The following PTBP3 variants were observed in gnomAD, a reference collection of about 807,000 sequenced individuals.
PTBP3 encodes polypyrimidine tract-binding protein 3.
Under a neutral mutation model 58.7 loss-of-function variants are expected in PTBP3, and 20 were observed. That is an observed-to-expected ratio of 0.34 (90% CI 0.24 to 0.50). The LOEUF (loss-of-function observed/expected upper bound fraction) is 0.50. Ranked by LOEUF, PTBP3 falls within the 20% of genes least tolerant of loss-of-function variation. PTBP3 has a pLI of 0.98. For missense variants in PTBP3, 509 were observed against 637.2 expected (o/e 0.80, Z 2.17); for synonymous variants, 185 against 219.8 (o/e 0.84, Z 1.40).
intron 1 of PTBP3, among the ~76,000 whole-genome samples, chr9:112,325,297 G>A (rs1382482623): frequency 1.3e-5 from 2 of 152,136 alleles, no homozygotes; most frequent in Admixed American, 6.6e-5. Context: ...ATAAATCAAC[G>A]TGGAGCGGCT....
chr9:112,352,414 C>A, the PTBP3 span, among the ~76,000 whole-genome samples: 1 of 152,172 alleles, frequency 6.6e-6, no homozygotes, highest in Non-Finnish European at 1.5e-5. Context: ...TCAACGGTTG[C>A]AGGTCTGCCT....
In PTBP3 at chr9:112,230,549, C is replaced by T. The variant is rs114372730; in HGVS notation, c.1054+831G>A. Among the ~76,000 whole-genome samples the T allele has an allele frequency of 2.5e-3, 383 of 152,154 alleles. 1 individual carries two copies. The highest frequency in any genetic ancestry group is 9.0e-3 in the African/African-American group (373 of 41,522). The stretch of plus-strand genomic sequence containing the variant: ...AAATAATGAAATAATTATTGAAGTA[C>T]AGCAACAATGAAACCCCTGCATTTA... On this transcript the variant is annotated intron_variant, in intron 10 of 13. Transcript: ENST00000374257.
intron 1 of PTBP3, chr9:112,332,826 T>G (rs779633292): frequency 5.0e-6 from 8 of 1,612,128 alleles, no homozygotes; most frequent in Non-Finnish European, 6.8e-6. Context: ...GAGAGAAAGG[T>G]GAGGGGGAAG....
At chr9:112,245,811 G>A (rs755045729) in intron 7 of PTBP3, among the ~76,000 whole-genome samples, 32 of 151,886 alleles carry the variant, frequency 2.1e-4, no homozygotes, top group Non-Finnish European at 4.4e-4. Context: ...CCAAATCAGG[G>A]GTAATTTGAA....
chr9:112,279,885 C>T (rs1159110852), intron 2 of PTBP3, among the ~76,000 whole-genome samples: 2 of 146,494 alleles, frequency 1.4e-5, no homozygotes, highest in African/African-American at 5.1e-5. Context: ...TCCCTAAGTA[C>T]TTCATAATTT....
At chr9:112,376,172 T>TATATATATAA in the PTBP3 span, among the ~76,000 whole-genome samples, 1 of 146,678 alleles carries the variant, frequency 6.8e-6, no homozygotes, top group Admixed American at 6.8e-5. Flanking sequence ...TATATATATA[T>TATATATATAA]ATATATCCTA....
At chr9:112,255,997 T>A (rs1030115290) in intron 5 of PTBP3, among the ~76,000 whole-genome samples, 1 of 152,086 alleles carries the variant, frequency 6.6e-6, no homozygotes, top group Non-Finnish European at 1.5e-5. Flanking sequence ...CTCACGCCTG[T>A]AATCCCAGCA....
At chr9:112,338,361 GTGTC>G (rs35868666), upstream of PTBP3, among the ~76,000 whole-genome samples, 83,495 of 151,688 alleles carry the variant, frequency 0.55, 24,685 homozygotes, top group African/African-American at 0.79. Context: ...GGATTGCACT[GTGTC>G]TGTGTGCTGC....
chr9:112,343,155 G>A, the PTBP3 span, among the ~76,000 whole-genome samples: 1 of 152,126 alleles, frequency 6.6e-6, no homozygotes, highest in South Asian at 2.1e-4. Flanking sequence ...TTACTTGCAC[G>A]CAAAATGTTA....
chr9:112,244,334 A>C (rs895798247), intron 7 of PTBP3, among the ~76,000 whole-genome samples: 1 of 149,336 alleles, frequency 6.7e-6, no homozygotes, highest in African/African-American at 2.5e-5. Context: ...GCAACAAAAA[A>C]TGTGCAAATC....
chr9:112,311,789 G>A (rs769160981), intron 1 of PTBP3, among the ~76,000 whole-genome samples: 12 of 151,982 alleles, frequency 7.9e-5, no homozygotes, highest in East Asian at 1.9e-4. Context: ...GAAAAAAAAC[G>A]GTTTTTTAAT....
intron 1 of PTBP3, among the ~76,000 whole-genome samples, chr9:112,322,171 A>G (rs1431911997): frequency 6.7e-6 from 1 of 148,688 alleles, no homozygotes; most frequent in Non-Finnish European, 1.5e-5. Context: ...GGCCCTTTCC[A>G]GTCTCTAGCA....
chr9:112,284,091 T>C (rs535887858), intron 2 of PTBP3, among the ~76,000 whole-genome samples: 12 of 150,376 alleles, frequency 8.0e-5, no homozygotes, highest in African/African-American at 2.0e-4. Context: ...ACTAGGGCAG[T>C]GCAGAAGGGA....
At chr9:112,251,176 A>C in intron 6 of PTBP3, 73 bp from the exon 7 acceptor site, 1 of 1,241,444 alleles carries the variant, frequency 8.1e-7, no homozygotes, top group South Asian at 2.3e-5. Flanking sequence ...CTACTTTGAC[A>C]AAGAGTGGCA....
At chr9:112,237,399 T>C (rs1454694040) in intron 7 of PTBP3, among the ~76,000 whole-genome samples, 1 of 152,224 alleles carries the variant, frequency 6.6e-6, no homozygotes, top group African/African-American at 2.4e-5. Context: ...ATTTGGAAAA[T>C]GTACCACCAT....
chr9:112,229,582 T>A (rs1020220788), intron 10 of PTBP3, among the ~76,000 whole-genome samples: 1 of 140,102 alleles, frequency 7.1e-6, no homozygotes. Flanking sequence ...AAAAAAAAAA[T>A]CTTTCAATAG....
At chr9:112,311,919 C>G (rs1420643560) in intron 1 of PTBP3, among the ~76,000 whole-genome samples, 2 of 152,100 alleles carry the variant, frequency 1.3e-5, no homozygotes, top group Non-Finnish European at 2.9e-5. Flanking sequence ...TGTGAGTAGC[C>G]ACTGCACTTC....
chr9:112,304,842 T>C (rs1345278584), intron 1 of PTBP3, among the ~76,000 whole-genome samples: 2 of 152,210 alleles, frequency 1.3e-5, no homozygotes, highest in Admixed American at 1.3e-4. Context: ...CCAGGCTGCA[T>C]CACAATTATT....
chr9:112,277,846 CCT>C (rs760384078), intron 2 of PTBP3, among the ~76,000 whole-genome samples: 4 of 151,804 alleles, frequency 2.6e-5, no homozygotes, highest in South Asian at 2.1e-4. Flanking sequence ...ACTTGCACTC[CCT>C]GTCTCAAATT....
Sources: allele counts gnomAD v4.1 joint callset (sites outside exome capture counted in the v4.1 genomes callset), GRCh38; gene constraint gnomAD v4.1.1; transcripts MANE v1.5; gene names NCBI Gene and HGNC (gene_info 2026-07-23, HGNC 2026-07-21).